Variants in SEPTIN9 observed in about 807,000 individuals in gnomAD.
SEPTIN9 encodes septin-9.
SEPTIN9 carries 13 observed loss-of-function variants against 56.6 expected under a neutral mutation model. That is an observed-to-expected ratio of 0.23 (90% CI 0.15 to 0.37). The LOEUF is 0.37. SEPTIN9 is among the 10% of genes least tolerant of loss of function. SEPTIN9 has a pLI of 1.00. For missense variants in SEPTIN9, 650 were observed against 823.1 expected (o/e 0.79, Z 2.57); for synonymous variants, 332 against 334.1 (o/e 0.99, Z 0.07).
chr17:77,360,728 C>T (rs2034389227), intron 2 of SEPTIN9, among the ~76,000 whole-genome samples: 1 of 152,038 alleles, frequency 6.6e-6, no homozygotes, highest in African/African-American at 2.4e-5. Flanking sequence ...CCACACCCGG[C>T]TAATTTTTTG....
chr17:77,331,209 AATAAT>A (rs1373061842), intron 2 of SEPTIN9, among the ~76,000 whole-genome samples: 1 of 152,134 alleles, frequency 6.6e-6, no homozygotes, highest in Non-Finnish European at 1.5e-5. Flanking sequence ...AAAAAATAAT[AATAAT>A]AATAAAAACT....
intron 2 of SEPTIN9, among the ~76,000 whole-genome samples, chr17:77,339,772 A>G (rs1256550681): frequency 6.6e-6 from 1 of 151,402 alleles, no homozygotes; most frequent in African/African-American, 2.4e-5. Context: ...AGCCTCTCAA[A>G]GCATTGGGAC....
At chr17:77,321,986 A>G (rs1479160913) in intron 2 of SEPTIN9, among the ~76,000 whole-genome samples, 1 of 152,094 alleles carries the variant, frequency 6.6e-6, no homozygotes, top group African/African-American at 2.4e-5. Context: ...CGGAGTGACC[A>G]CCCCACCAGG....
intron 1 of SEPTIN9, among the ~76,000 whole-genome samples, chr17:77,292,166 A>G (rs1292793734): frequency 6.6e-6 from 1 of 151,976 alleles, no homozygotes; most frequent in East Asian, 1.9e-4. Flanking sequence ...CCTGGCCGTC[A>G]CTCACCCTGC....
intron 2 of SEPTIN9, among the ~76,000 whole-genome samples, chr17:77,364,724 G>A (rs1474231947): frequency 6.6e-6 from 1 of 152,222 alleles, no homozygotes; most frequent in East Asian, 1.9e-4. Flanking sequence ...CCAATGTTGG[G>A]CATCTCCCCG....
chr17:77,482,728 G>A, intron 4 of SEPTIN9: 1 of 545,338 alleles, frequency 1.8e-6, no homozygotes. Flanking sequence ...ACCGCACCCC[G>A]GCCAGAGGCT....
At chr17:77,468,897 C>G (rs2038861487) in intron 3 of SEPTIN9, among the ~76,000 whole-genome samples, 1 of 152,150 alleles carries the variant, frequency 6.6e-6, no homozygotes, top group South Asian at 2.1e-4. Flanking sequence ...AATGGAGGGC[C>G]CAGGCCCGGC....
intron 7 of SEPTIN9, 92 bp downstream of exon 7, chr17:77,488,956 C>A: frequency 1.3e-6 from 2 of 1,529,658 alleles, no homozygotes; most frequent in Non-Finnish European, 1.8e-6. Context: ...TGCCCTGCTG[C>A]TGGGTGCAGA....
rs138121670 is a variant in SEPTIN9, at chr17:77,477,988, C to T, written c.722-4156C>T. The stretch of plus-strand genomic sequence containing the variant: ...ATGGGGATCTCAACGGGGCAGCTGC[C>T]GTCTTGCTGGAGCCCACGGTCTTTG... On this transcript the variant is annotated intron_variant, in intron 3 of 11. Transcript: ENST00000427177. Among the ~76,000 whole-genome samples, 1,208 of 152,130 alleles carry T rather than the reference C, an allele frequency of 7.9e-3. 29 individuals are homozygous for T. In the South Asian group the frequency reaches 0.099, roughly 12 times the overall value.
rs1255209780 is a variant in SEPTIN9 at position 77,389,203 on chromosome 17, T to C, written c.77-12856T>C. 6.6e-6 allele frequency among the ~76,000 whole-genome samples: 1 copy of C among 152,084 alleles called. No individual in the cohort carries two copies. The highest frequency in any genetic ancestry group is 1.5e-5 in the Non-Finnish European group (1 of 68,012). On this transcript the variant is annotated intron_variant, in intron 2 of 11. Transcript: ENST00000427177. The surrounding 1 kb of genome is among the most constrained non-coding windows in gnomAD (Gnocchi z 4.3). ...AGCAGCATGCGTGAAGCCCGGGGTC[T>C]GGGCAAAGGAGTGTTTGGGGAAGAG...
At chr17:77,415,883 G>A (rs938022579) in intron 3 of SEPTIN9, among the ~76,000 whole-genome samples, 1 of 152,230 alleles carries the variant, frequency 6.6e-6, no homozygotes, top group African/African-American at 2.4e-5. Context: ...GCCCCAGGAG[G>A]GCACCTGGAG....
chr17:77,417,246 T>C (rs1469474724), intron 3 of SEPTIN9, among the ~76,000 whole-genome samples: 1 of 152,226 alleles, frequency 6.6e-6, no homozygotes, highest in Non-Finnish European at 1.5e-5. Context: ...GCCTAATAGA[T>C]GCTCAGTGTC....
At chr17:77,426,128 C>T (rs2144248543) in intron 3 of SEPTIN9, among the ~76,000 whole-genome samples, 1 of 152,230 alleles carries the variant, frequency 6.6e-6, no homozygotes, top group South Asian at 2.1e-4. Context: ...AGCACCCCGC[C>T]CCCCACCTCT....
intron 2 of SEPTIN9, among the ~76,000 whole-genome samples, chr17:77,362,634 T>C (rs886892902): frequency 4.6e-5 from 7 of 152,206 alleles, no homozygotes; most frequent in African/African-American, 7.2e-5. Context: ...TGAAGGAGGC[T>C]GACTCCCCTG....
intron 2 of SEPTIN9, among the ~76,000 whole-genome samples, chr17:77,331,406 G>A (rs868519575): frequency 1.8e-4 from 28 of 151,926 alleles, no homozygotes; most frequent in Admixed American, 1.1e-3. Context: ...TCGAGCGGGG[G>A]CGGTGTCCAC....
At chr17:77,347,601 T>C (rs1467129495) in intron 2 of SEPTIN9, among the ~76,000 whole-genome samples, 1 of 151,896 alleles carries the variant, frequency 6.6e-6, no homozygotes, top group Non-Finnish European at 1.5e-5. Context: ...GATATTTATG[T>C]AGCCTCTCCA....
chr17:77,465,470 G>T (rs558411323), intron 3 of SEPTIN9, among the ~76,000 whole-genome samples: 6 of 152,202 alleles, frequency 3.9e-5, no homozygotes, highest in African/African-American at 1.2e-4. Context: ...AGTCCGTGTC[G>T]CAGCCATTTC....
chr17:77,362,053 C>T (rs980558092), intron 2 of SEPTIN9, among the ~76,000 whole-genome samples: 2 of 152,218 alleles, frequency 1.3e-5, no homozygotes, highest in Admixed American at 6.5e-5. Flanking sequence ...AAGGGCCTGT[C>T]GATGTGTTGA....
At chr17:77,333,434 C>T (rs1462412929) in intron 2 of SEPTIN9, among the ~76,000 whole-genome samples, 1 of 152,104 alleles carries the variant, frequency 6.6e-6, no homozygotes, top group African/African-American at 2.4e-5. Flanking sequence ...GCTGTATTGC[C>T]CAAGCAGGTC....
Sources: gnomAD v4.1 joint callset for allele counts (sites outside exome capture counted in the v4.1 genomes callset) on GRCh38, gnomAD v4.1.1 for gene constraint, Gnocchi (gnomAD v3.1) non-coding constraint, MANE v1.5 for transcripts, NCBI Gene and HGNC (gene_info 2026-07-23, HGNC 2026-07-21) for gene names.